FAT3: variants seen among roughly 807,000 people sequenced by gnomAD.
FAT3 encodes the protein FAT atypical cadherin 3.
In FAT3, 95 loss-of-function variants were observed where a neutral mutation model predicts 310.2. The observed-to-expected ratio is 0.31, with a 90% CI of 0.26 to 0.36. The LOEUF (loss-of-function observed/expected upper bound fraction) is 0.36, where lower values mean the gene tolerates loss of function less well. FAT3 is among the 10% of genes least tolerant of loss of function. The pLI, the probability that FAT3 is intolerant of heterozygous loss-of-function variation, is 1.00. For missense variants in FAT3, 5,408 were observed against 5,715.6 expected (o/e 0.95, Z 1.74); for synonymous variants, 2,314 against 2,192.9 (o/e 1.06, Z -1.54).
chr11:92,292,789 G>A (rs1272041889), intron 1 of FAT3, among the ~76,000 whole-genome samples: 1 of 152,078 alleles, frequency 6.6e-6, no homozygotes, highest in Non-Finnish European at 1.5e-5. Context: ...ACTGGACTCT[G>A]ATATCACAGG....
chr11:92,461,370 G>T (rs1223614301), intron 2 of FAT3, among the ~76,000 whole-genome samples: 1 of 152,016 alleles, frequency 6.6e-6, no homozygotes, highest in Non-Finnish European at 1.5e-5. Context: ...TGGAAGTAAT[G>T]ATAGACAAAA....
At chr11:92,293,430 A>G (rs564359857) in intron 1 of FAT3, among the ~76,000 whole-genome samples, 19 of 150,222 alleles carry the variant, frequency 1.3e-4, no homozygotes, top group Non-Finnish European at 2.5e-4. Flanking sequence ...GTATGTCGAT[A>G]TAAAGAAGAA....
intron 4 of FAT3, among the ~76,000 whole-genome samples, chr11:92,745,893 G>C (rs1945650830): frequency 6.6e-6 from 1 of 152,182 alleles, no homozygotes; most frequent in Non-Finnish European, 1.5e-5. Flanking sequence ...GTAGGAATCA[G>C]TGCCCTGCAG....
intron 3 of FAT3, among the ~76,000 whole-genome samples, chr11:92,619,144 T>A (rs1309967604): frequency 6.6e-6 from 1 of 152,176 alleles, no homozygotes; most frequent in Non-Finnish European, 1.5e-5. Context: ...TCATATTAAT[T>A]GATTTGTAGA....
intron 1 of FAT3, among the ~76,000 whole-genome samples, chr11:92,225,803 G>A (rs1024486689): frequency 6.6e-6 from 1 of 152,176 alleles, no homozygotes; most frequent in African/African-American, 2.4e-5. Context: ...GGCGGCGGCG[G>A]CTCTTCGACT....
chr11:92,758,474 T>G (rs1946061294), intron 4 of FAT3, among the ~76,000 whole-genome samples: 1 of 152,130 alleles, frequency 6.6e-6, no homozygotes, highest in Non-Finnish European at 1.5e-5. Context: ...AATGGAGCTA[T>G]AAGAGCATGG....
intron 3 of FAT3, among the ~76,000 whole-genome samples, chr11:92,661,085 G>T (rs1371838822): frequency 6.6e-6 from 1 of 152,204 alleles, no homozygotes; most frequent in African/African-American, 2.4e-5. Flanking sequence ...AGTCACAGGA[G>T]TAAGCAAAAT....
At chr11:92,232,752 C>T (rs889083145) in intron 1 of FAT3, among the ~76,000 whole-genome samples, 3 of 148,610 alleles carry the variant, frequency 2.0e-5, no homozygotes, top group South Asian at 4.4e-4. Context: ...TATGAAGCAT[C>T]ACCAAAGCAC....
chr11:92,815,444 G>A (rs1206028404), intron 13 of FAT3, among the ~76,000 whole-genome samples: 1 of 151,978 alleles, frequency 6.6e-6, no homozygotes, highest in African/African-American at 2.4e-5. Flanking sequence ...GTGGCAGTGG[G>A]CACCTGTAGT....
At chr11:92,297,112 C>T (rs1316991074) in intron 1 of FAT3, among the ~76,000 whole-genome samples, 1 of 152,090 alleles carries the variant, frequency 6.6e-6, no homozygotes, top group Non-Finnish European at 1.5e-5. Flanking sequence ...AGATGGTTCA[C>T]AGCCCTGGAA....
chr11:92,355,308 A>C lies in FAT3; in HGVS notation c.3196A>C (p.Thr1066Pro). The change falls in exon 2 of 28, where the codon ACT becomes CCT. Residue 1066 changes from threonine (T) to proline (P), a missense_variant. Around this residue, in one of 5 missense-constraint regions of FAT3, gnomAD observed 4,588 missense variants for 4,809.8 expected, o/e 0.95. Coordinates refer to ENST00000525166, the MANE Select transcript of FAT3 (RefSeq NM_001367949.2). ...SRIGTSVLQV[T>P]ARDEDSGRDG... Reference sequence around the variant, plus strand: ...CATTGGAACAAGCGTGCTGCAGGTGACTGCTCGAGATGAAGACTCCGGAAG... The same window carrying C: ...CATTGGAACAAGCGTGCTGCAGGTGCCTGCTCGAGATGAAGACTCCGGAAG... The C allele has an allele frequency of 6.2e-7, 1 of 1,613,782 alleles. No individual in the cohort carries two copies. Among genetic ancestry groups the C allele is most frequent in the Non-Finnish European group, 8.5e-7 (1 of 1,179,856 alleles).
At chr11:92,804,746 A>G (rs551834134) in intron 10 of FAT3, among the ~76,000 whole-genome samples, 26 of 152,338 alleles carry the variant, frequency 1.7e-4, no homozygotes, top group African/African-American at 6.0e-4. Context: ...CCTTGACTGC[A>G]TAATCAACGG....
chr11:92,570,081 G>C (rs1437798131), intron 3 of FAT3, among the ~76,000 whole-genome samples: 1 of 152,100 alleles, frequency 6.6e-6, no homozygotes, highest in Non-Finnish European at 1.5e-5. Context: ...CAGTCATTTT[G>C]GTGCCATGTA....
At chr11:92,725,776 T>G (rs1239310833) in intron 4 of FAT3, among the ~76,000 whole-genome samples, 4 of 152,166 alleles carry the variant, frequency 2.6e-5, no homozygotes, top group African/African-American at 9.6e-5. Context: ...TAGACATCCC[T>G]TTCTCTGCTA....
At chr11:92,419,782 C>CCT in intron 2 of FAT3, among the ~76,000 whole-genome samples, 1 of 152,128 alleles carries the variant, frequency 6.6e-6, no homozygotes, top group Non-Finnish European at 1.5e-5. Context: ...GAATCAGGAT[C>CCT]TAGTGAGTCG....
At chr11:92,715,749 G>A (rs753286370) in intron 4 of FAT3, among the ~76,000 whole-genome samples, 1 of 152,046 alleles carries the variant, frequency 6.6e-6, no homozygotes, top group African/African-American at 2.4e-5. Flanking sequence ...GTTAATGGCT[G>A]CACTTATCAG....
chr11:92,700,892 G>A (rs572842926), intron 4 of FAT3, among the ~76,000 whole-genome samples: 4 of 152,030 alleles, frequency 2.6e-5, no homozygotes, highest in Non-Finnish European at 5.9e-5. Flanking sequence ...TGCTGCAGGA[G>A]TTTGAACATT....
chr11:92,830,024 C>T (rs181038075), intron 13 of FAT3, among the ~76,000 whole-genome samples: 1 of 152,170 alleles, frequency 6.6e-6, no homozygotes, highest in South Asian at 2.1e-4. Context: ...AAGCCCTCCC[C>T]TCTAAGAGCT....
chr11:92,564,927 G>C (rs1253195371), intron 3 of FAT3, among the ~76,000 whole-genome samples: 1 of 141,998 alleles, frequency 7.0e-6, no homozygotes, highest in Non-Finnish European at 1.5e-5. Context: ...GCCCACAAGA[G>C]AAAGCAGGAA....
Sources: allele counts gnomAD v4.1 joint callset (sites outside exome capture counted in the v4.1 genomes callset), GRCh38; gene constraint gnomAD v4.1.1; regional missense constraint gnomAD v4.1.1; transcripts MANE v1.5; gene names NCBI Gene and HGNC (gene_info 2026-07-23, HGNC 2026-07-21).